ESF1: variants seen among roughly 807,000 people sequenced by gnomAD.
ESF1 encodes ESF1 nucleolar pre-rRNA processing protein.
In ESF1, 58 loss-of-function variants were observed where a neutral mutation model predicts 92.0. The observed-to-expected ratio is 0.63, with a 90% CI of 0.51 to 0.78. The LOEUF is 0.78. Among genes scored for constraint, ESF1 ranks in the 30% least tolerant of loss-of-function variants. The pLI is 0.00. For synonymous variants in ESF1, 321 were observed against 313.7 expected (o/e 1.02, Z -0.24); for missense variants, 922 against 989.1 (o/e 0.93, Z 0.91).
At chr20:13,744,907 T>A (rs2050038141) in intron 9 of ESF1, among the ~76,000 whole-genome samples, 1 of 152,216 alleles carries the variant, frequency 6.6e-6, no homozygotes, top group Non-Finnish European at 1.5e-5. Flanking sequence ...TTTACTAACT[T>A]CTCTCCCTCC....
rs879725072 is a variant in ESF1, at chr20:13,784,887, A to G, written c.-51T>C. 3 of 614,108 alleles carry G rather than the reference A, an allele frequency of 4.9e-6. No homozygotes were observed. The highest frequency in any genetic ancestry group is 8.6e-6 in the Non-Finnish European group (3 of 348,496). 38.0% of individuals were successfully genotyped at this position (614,108 alleles called of 1,614,324 possible). A position where few individuals can be genotyped will look rare whatever the true frequency, so the allele number is the denominator to read the frequency against. On this transcript the variant is annotated 5_prime_UTR_variant, in exon 1 of 14. Coordinates refer to ENST00000617257, the MANE Select transcript of ESF1 (RefSeq NM_001276380.2). ...CAGTCCATCCCCACTCACCGTCCGC[A>G]GTCCTACCAAGCCTCACGTGGGGCT...
At position 13,782,499 on chromosome 20, in the gene ESF1, C is replaced by T. The variant is rs1306166612; in HGVS notation, c.637+5G>A. The T allele has an allele frequency of 6.7e-7, 1 of 1,493,474 alleles. No individual in the cohort carries two copies. Among genetic ancestry groups the T allele is most frequent in the Admixed American group, 2.6e-5 (1 of 38,800 alleles). The allele number at this position is 1,493,474 out of a possible 1,614,324, so 92.5% of individuals were successfully genotyped here. A position where few individuals can be genotyped will look rare whatever the true frequency, so the allele number is the denominator to read the frequency against. Reference sequence around the variant, plus strand: ...CCCAAGAATCTCTAATTTTTTCCAACCTACCTGATTGCATTTCTCTTCTTG... The same window carrying T: ...CCCAAGAATCTCTAATTTTTTCCAATCTACCTGATTGCATTTCTCTTCTTG... On this transcript the variant is annotated splice_donor_5th_base_variant and intron_variant, in intron 2 of 13. Transcript: ENST00000617257.
At chr20:13,722,657 C>G (rs938643087) in intron 11 of ESF1, among the ~76,000 whole-genome samples, 1 of 151,730 alleles carries the variant, frequency 6.6e-6, no homozygotes, top group African/African-American at 2.4e-5. Context: ...TGAGACCAGC[C>G]TGAGCAACAA....
In ESF1 at chr20:13,783,010, T is replaced by C. The variant is rs113417929; in HGVS notation, c.131A>G (p.Asp44Gly). The change falls in exon 2 of 14, where the codon GAC becomes GGC. Residue 44 changes from aspartate (D) to glycine (G), a missense_variant. By Grantham distance (94) the Asp-to-Gly change is moderately conservative (BLOSUM62 -1). Transcript: ENST00000617257. ...IDKRFRAMFH[D>G]KKFKLNYAVD... Reference sequence around the variant, plus strand: ...GGCATAGTTCAACTTGAACTTCTTGTCATGAAACATGGCTCGAAATCTCTT... The same window carrying C: ...GGCATAGTTCAACTTGAACTTCTTGCCATGAAACATGGCTCGAAATCTCTT... 3.7e-6 allele frequency: 6 copies of C among 1,614,104 alleles called. No homozygotes were observed. The highest frequency in any genetic ancestry group is 1.3e-5 in the African/African-American group (1 of 74,940).
At chr20:13,773,741 G>T (rs1000901020) in intron 4 of ESF1, among the ~76,000 whole-genome samples, 1 of 152,104 alleles carries the variant, frequency 6.6e-6, no homozygotes, top group Non-Finnish European at 1.5e-5. Context: ...CTTGATCTTA[G>T]CCAAAAGGCC....
chr20:13,761,432 GA>G (rs964891300), intron 8 of ESF1, among the ~76,000 whole-genome samples: 7 of 144,222 alleles, frequency 4.9e-5, no homozygotes, highest in Non-Finnish European at 9.2e-5. Flanking sequence ...AAAAAAAGAA[GA>G]TGGCATTTTA....
chr20:13,745,260 T>C (rs1185636595), intron 9 of ESF1, among the ~76,000 whole-genome samples: 1 of 152,176 alleles, frequency 6.6e-6, no homozygotes, highest in Non-Finnish European at 1.5e-5. Flanking sequence ...AGAAATTCCA[T>C]GCGTATCTTC....
At chr20:13,780,740 T>C (rs1301308943) in intron 2 of ESF1, among the ~76,000 whole-genome samples, 1 of 152,190 alleles carries the variant, frequency 6.6e-6, no homozygotes, top group Non-Finnish European at 1.5e-5. Flanking sequence ...TGTGAACTAC[T>C]ACTGGTTTTC....
chr20:13,758,918 C>T (rs1600285030), intron 9 of ESF1, among the ~76,000 whole-genome samples: 2 of 152,218 alleles, frequency 1.3e-5, no homozygotes, highest in East Asian at 1.9e-4. Context: ...AGTACTGAAT[C>T]CTATAGCTAG....
chr20:13,775,351 G>A, intron 3 of ESF1, 81 bp from the exon 4 acceptor site: 1 of 868,230 alleles, frequency 1.2e-6, no homozygotes. Context: ...AAAATGTAAT[G>A]CCTTCTGTCC....
rs764551794 is a variant in ESF1, at chr20:13,776,059, CTCT to C, written c.846_848del (p.Glu284del). 16 of 1,613,134 alleles carry C rather than the reference CTCT, an allele frequency of 9.9e-6. No homozygotes were observed. Among genetic ancestry groups the C allele is most frequent in the Admixed American group, 6.7e-5 (4 of 59,992 alleles). ...CCTCACTATCCTCATCTTCATCCTC[CTCT>C]TCATCTTCATCCTCCTCTTCATCAT... On this transcript the variant is annotated inframe_deletion, in exon 3 of 14. Transcript: ENST00000617257.
intron 5 of ESF1, 128 bp downstream of exon 5, chr20:13,772,387 T>C (rs942553051): frequency 1.6e-6 from 1 of 638,008 alleles, no homozygotes; most frequent in African/African-American, 1.8e-5. Flanking sequence ...TAAATCTGTT[T>C]TGCAACCTGT....
rs985681689 is a variant in ESF1, at chr20:13,714,722, CAATT to C, written c.*148_*151del. ...TTTGTCAGTCATCCACAATTAAGTA[CAATT>C]ATTTATGGAGAAAAATTTTACTATG... is the stretch of plus-strand genomic sequence containing the variant. On this transcript the variant is annotated 3_prime_UTR_variant, in exon 14 of 14. Transcript: ENST00000617257. 181 of 704,866 alleles carry C rather than the reference CAATT, an allele frequency of 2.6e-4. No individual in the cohort carries two copies. Among genetic ancestry groups the C allele is most frequent in the Non-Finnish European group, 3.8e-4 (172 of 447,416 alleles). The allele number at this position is 704,866 out of a possible 1,614,324, so 43.7% of individuals were successfully genotyped here.
intron 10 of ESF1, among the ~76,000 whole-genome samples, chr20:13,731,425 G>A (rs1020022143): frequency 4.0e-5 from 6 of 151,750 alleles, no homozygotes; most frequent in South Asian, 2.1e-4. Context: ...CCAGCTACTC[G>A]GGAGGCTGAG....
chr20:13,753,251 T>TA (rs1358361929), intron 9 of ESF1, among the ~76,000 whole-genome samples: 1 of 151,752 alleles, frequency 6.6e-6, no homozygotes, highest in African/African-American at 2.4e-5. Flanking sequence ...AAAGCCCCCT[T>TA]ACCCATTTAT....
chr20:13,778,877 T>C (rs1980058825), intron 2 of ESF1, among the ~76,000 whole-genome samples: 1 of 152,022 alleles, frequency 6.6e-6, no homozygotes, highest in African/African-American at 2.4e-5. Context: ...AAACTCTTTG[T>C]CTCTACAAAA....
intron 2 of ESF1, among the ~76,000 whole-genome samples, chr20:13,779,580 G>GCAGTGGCA: frequency 6.6e-6 from 1 of 152,154 alleles, no homozygotes; most frequent in Admixed American, 6.5e-5. Context: ...TGTTGCCCAG[G>GCAGTGGCA]CTGGAGTGCA....
intron 4 of ESF1, among the ~76,000 whole-genome samples, chr20:13,774,373 A>G (rs1979830348): frequency 1.3e-5 from 2 of 152,226 alleles, no homozygotes; most frequent in Non-Finnish European, 2.9e-5. Flanking sequence ...TCATCCAGTA[A>G]GTATATATAA....
chr20:13,756,793 G>T (rs1366210316), intron 9 of ESF1, among the ~76,000 whole-genome samples: 1 of 152,190 alleles, frequency 6.6e-6, no homozygotes, highest in East Asian at 1.9e-4. Context: ...TCTCATTGTG[G>T]CCTGGTTGTT....
Sources: allele counts gnomAD v4.1 joint callset (sites outside exome capture counted in the v4.1 genomes callset), GRCh38; gene constraint gnomAD v4.1.1; transcripts MANE v1.5; gene names NCBI Gene and HGNC (gene_info 2026-07-23, HGNC 2026-07-21).